RUBCNL: variants seen among roughly 807,000 people sequenced by gnomAD.
RUBCNL encodes rubicon like autophagy enhancer, also known as protein associated with UVRAG as autophagy enhancer.
A neutral mutation model predicts 69.5 loss-of-function variants in RUBCNL; 62 were observed. The observed-to-expected ratio is 0.89, with a 90% CI of 0.73 to 1.10. The LOEUF is 1.10. Ranked by LOEUF, RUBCNL falls within the 50% of genes least tolerant of loss-of-function variation. The pLI is 0.00. For missense variants in RUBCNL, 768 were observed against 798.1 expected, an observed-to-expected ratio of 0.96 and a Z score of 0.45; for synonymous variants, 291 against 303.6, an observed-to-expected ratio of 0.96 and a Z score of 0.43.
chr13:46,372,114 C>T lies in RUBCNL; in HGVS notation c.362G>A (p.Ser121Asn). 6.2e-7 allele frequency: 1 copy of T among 1,614,002 alleles called. No homozygotes were observed. The highest frequency in any genetic ancestry group is 1.1e-5 in the South Asian group (1 of 91,084). Residue 121 changes from serine (S) to asparagine (N), a missense_variant, in exon 3 of 15, where the codon AGT becomes AAT. Ser to Asn is a conservative substitution (Grantham distance 46). Transcript: ENST00000429979. ...SVGSASPHGS[S>N]EKSSSFSLSS... ...CAGAGAGAAGCTGCTACTCTTTTCA[C>T]TCGAGCCATGGGGAGAAGCGCTGCC...
chr13:46,370,343 T>C (rs961563390), intron 3 of RUBCNL, among the ~76,000 whole-genome samples: 14 of 152,188 alleles, frequency 9.2e-5, no homozygotes, highest in African/African-American at 2.9e-4. Context: ...CAGAGGCCGA[T>C]AGTCTTTCCC....
chr13:46,362,660 C>T, intron 6 of RUBCNL, 62 bp from the exon 7 acceptor site: 1 of 1,179,556 alleles, frequency 8.5e-7, no homozygotes, highest in Non-Finnish European at 1.2e-6. Flanking sequence ...AATCGCAGTC[C>T]ATTTTATAAG....
chr13:46,365,349 G>A (rs115812487), intron 5 of RUBCNL, among the ~76,000 whole-genome samples: 214 of 145,192 alleles, frequency 1.5e-3, no homozygotes, highest in African/African-American at 5.3e-3. Flanking sequence ...GCTGAGATAC[G>A]AACAGACCTA....
chr13:46,361,466 C>T lies in RUBCNL; in HGVS notation c.1094G>A (p.Gly365Asp), dbSNP rs768549148. The change falls in exon 8 of 15, where the codon GGT becomes GAT. Residue 365 changes from glycine to aspartate, a missense_variant. Coordinates refer to ENST00000429979, the MANE Select transcript of RUBCNL (RefSeq NM_025113.5). ...TATCGAGCCAGCTGCACTCAGGGAA[C>T]CTGCCAGCTGAGAATTAACTACTGA... ...ILSVVNSQLA[G>D]SLSAAGSIVV... is the part of the protein sequence containing the mutation. 1.0e-4 allele frequency: 166 copies of T among 1,613,876 alleles called. 3 individuals are homozygous for T. In the South Asian group the frequency reaches 1.5e-3, roughly 15 times the overall value.
chr13:46,363,136 C>T lies in RUBCNL; in HGVS notation c.904G>A (p.Val302Ile). The part of the protein sequence containing the change: ...HDVKEICKCD[V>I]DEFVILELGD... ...TTACCTAAAATAACAAATTCATCAA[C>T]ATCGCATTTGCAAATCTCTTTCACA... Residue 302 changes from valine to isoleucine, a missense_variant, in exon 6 of 15, where the codon GTT becomes ATT. By Grantham distance (29) the Val-to-Ile change is conservative (BLOSUM62 3). Coordinates refer to ENST00000429979, the MANE Select transcript of RUBCNL (RefSeq NM_025113.5). The T allele has an allele frequency of 6.3e-7, 1 of 1,599,314 alleles. No homozygotes were observed. Among genetic ancestry groups the T allele is most frequent in the African/African-American group, 1.3e-5 (1 of 74,282 alleles).
chr13:46,379,225 C>T (rs1383626461), intron 1 of RUBCNL, among the ~76,000 whole-genome samples: 13 of 152,112 alleles, frequency 8.5e-5, no homozygotes, highest in African/African-American at 2.9e-4. Context: ...TACAGGTGCC[C>T]GCCACCATGC....
chr13:46,382,578 G>T (rs1000699464), intron 1 of RUBCNL, among the ~76,000 whole-genome samples: 1 of 152,120 alleles, frequency 6.6e-6, no homozygotes, highest in Admixed American at 6.5e-5. Context: ...TGTCACCGAG[G>T]CTGGAGTGCA....
At position 46,368,122 on chromosome 13, in the gene RUBCNL, T is replaced by G; in HGVS notation, c.746A>C (p.Gln249Pro). Residue 249 changes from glutamine (Q) to proline (P), a missense_variant, in exon 5 of 15, where the codon CAG becomes CCG. Transcript: ENST00000429979. The stretch of plus-strand genomic sequence containing the variant: ...ATCAAAAGTCATTTCAGAGTCAGGC[T>G]GATCACTCCCAAGTAACCCACTGAC... ...KEVSGLLGSD[Q>P]PDSEMTFDTN... 1 of 1,614,022 alleles carries G rather than the reference T, an allele frequency of 6.2e-7. No individual in the cohort carries two copies. Among genetic ancestry groups the G allele is most frequent in the Non-Finnish European group, 8.5e-7 (1 of 1,179,886 alleles).
intron 10 of RUBCNL, among the ~76,000 whole-genome samples, chr13:46,355,296 T>TC (rs1367756458): frequency 3.7e-5 from 2 of 54,440 alleles, no homozygotes; most frequent in East Asian, 2.2e-3. Flanking sequence ...AGCCCGAGCT[T>TC]TTTTTTTTTT....
chr13:46,354,321 G>A (rs750423044), intron 10 of RUBCNL, among the ~76,000 whole-genome samples: 4 of 152,170 alleles, frequency 2.6e-5, no homozygotes, highest in Non-Finnish European at 4.4e-5. Context: ...AATTTCTCAG[G>A]TTGAAACTAT....
chr13:46,362,696 C>A, intron 6 of RUBCNL, 98 bp from the exon 7 acceptor site: 1 of 769,814 alleles, frequency 1.3e-6, no homozygotes, highest in Non-Finnish European at 2.2e-6. Flanking sequence ...CCCTGCATCT[C>A]AGAAAGAGCA....
chr13:46,335,857 C>T lies in RUBCNL; in HGVS notation c.*7528G>A, dbSNP rs1253385062. Among the ~76,000 whole-genome samples the T allele has an allele frequency of 1.3e-5, 2 of 152,158 alleles. No homozygotes were observed. Among genetic ancestry groups the T allele is most frequent in the Non-Finnish European group, 2.9e-5 (2 of 68,040 alleles). On this transcript the variant is annotated 3_prime_UTR_variant, in exon 15 of 15. Coordinates refer to ENST00000429979, the MANE Select transcript of RUBCNL (RefSeq NM_025113.5). Reference sequence around the variant, plus strand: ...GCCTGTAAAGAAATACTAATACAAGCACAGCTATCAGTGGGCTGCTGAGTA... The same window carrying T: ...GCCTGTAAAGAAATACTAATACAAGTACAGCTATCAGTGGGCTGCTGAGTA...
At chr13:46,369,722 G>T (rs118150210) in intron 3 of RUBCNL, among the ~76,000 whole-genome samples, 4,995 of 152,268 alleles carry the variant, frequency 0.033, 105 homozygotes, top group Non-Finnish European at 0.051. Flanking sequence ...TCTTACTGCA[G>T]CATTTAAAGC....
chr13:46,354,861 A>G (rs1375078099), intron 10 of RUBCNL: 1 of 456,576 alleles, frequency 2.2e-6, no homozygotes, highest in Non-Finnish European at 4.4e-6. Context: ...ATACCTGAAC[A>G]AGCTTAGGGA....
chr13:46,360,488 G>T (rs1221237991), intron 8 of RUBCNL, among the ~76,000 whole-genome samples: 1 of 152,066 alleles, frequency 6.6e-6, no homozygotes, highest in African/African-American at 2.4e-5. Flanking sequence ...TTATCCAACC[G>T]CAGCGAATCA....
intron 1 of RUBCNL, among the ~76,000 whole-genome samples, 188 bp downstream of exon 1, chr13:46,386,946 A>G (rs978870775): frequency 1.3e-5 from 2 of 151,966 alleles, no homozygotes; most frequent in Non-Finnish European, 2.9e-5. Flanking sequence ...GCCCCTTCCT[A>G]CTGTCTCCAA....
Position 46,378,002 on chromosome 13 carries a change from T to C in RUBCNL, c.-235A>G, listed in dbSNP as rs1284017706. The C allele has an allele frequency of 6.5e-7, 1 of 1,539,864 alleles. No homozygotes were observed. The highest frequency in any genetic ancestry group is 8.7e-7 in the Non-Finnish European group (1 of 1,143,002). ...GAGGTCAATATCCCCATTTTTTATT[T>C]TATCTGTAAGGCAAAAAACAATTTG... On this transcript the variant is annotated 5_prime_UTR_variant, in exon 2 of 15. Coordinates refer to ENST00000429979, the MANE Select transcript of RUBCNL (RefSeq NM_025113.5).
At chr13:46,370,167 C>T (rs2048846618) in intron 3 of RUBCNL, among the ~76,000 whole-genome samples, 1 of 152,146 alleles carries the variant, frequency 6.6e-6, no homozygotes, top group Non-Finnish European at 1.5e-5. Context: ...TCCAGCTGTC[C>T]GTTCACCAGC....
chr13:46,352,921 T>C (rs964465050), intron 10 of RUBCNL, among the ~76,000 whole-genome samples: 1 of 152,264 alleles, frequency 6.6e-6, no homozygotes, highest in African/African-American at 2.4e-5. Context: ...ACATTTACTA[T>C]GTCATTCTGT....
Sources: gnomAD v4.1 joint callset for allele counts (sites outside exome capture counted in the v4.1 genomes callset) on GRCh38, gnomAD v4.1.1 for gene constraint, MANE v1.5 for transcripts, NCBI Gene and HGNC (gene_info 2026-07-23, HGNC 2026-07-21) for gene names.